Variants in CD44 observed in about 807,000 individuals in gnomAD.
CD44 encodes the protein CD44 molecule (IN blood group), also known as CD44 antigen.
In CD44, 49 loss-of-function variants were observed where a neutral mutation model predicts 88.8. The observed-to-expected ratio is 0.55, with a 90% confidence interval of 0.44 to 0.70. The LOEUF (loss-of-function observed/expected upper bound fraction) is 0.70, where lower values mean the gene tolerates loss of function less well. Ranked by LOEUF, CD44 falls within the 30% of genes least tolerant of loss-of-function variation. CD44 has a pLI of 0.00. For synonymous variants in CD44, 325 were observed against 312.3 expected (o/e 1.04, Z -0.43); for missense variants, 883 against 913.8 (o/e 0.97, Z 0.43).
intron 1 of CD44, among the ~76,000 whole-genome samples, chr11:35,147,356 G>T (rs1195721102): frequency 1.3e-5 from 2 of 152,122 alleles, no homozygotes; most frequent in Non-Finnish European, 2.9e-5. Flanking sequence ...AAGGAATTTG[G>T]CAAAAGCTGG....
rs181566917 is a variant in CD44 at position 35,214,943 on chromosome 11, C to T, written c.1873+29C>T. 27 of 1,425,582 alleles carry T rather than the reference C, an allele frequency of 1.9e-5. No individual in the cohort carries two copies. The East Asian group carries it at 5.5e-4, about 29-fold the overall frequency. The allele number at this position is 1,425,582 out of a possible 1,614,324, so 88.3% of individuals were successfully genotyped here. On this transcript the variant is annotated intron_variant, in intron 15 of 17. Coordinates refer to ENST00000428726, the MANE Select transcript of CD44 (RefSeq NM_000610.4). ...AGTTCAAAACTGCTTTAGTCATTTA[C>T]TGTTATAATCATTGAGCCTAATGAT...
intron 4 of CD44, among the ~76,000 whole-genome samples, chr11:35,188,724 G>A (rs371701174): frequency 6.6e-6 from 1 of 151,942 alleles, no homozygotes; most frequent in African/African-American, 2.4e-5. Flanking sequence ...GATCACCTGA[G>A]GTCAGGAGTT....
At chr11:35,211,108 A>G in intron 13 of CD44, 138 bp from the exon 14 acceptor site, 1 of 666,460 alleles carries the variant, frequency 1.5e-6, no homozygotes, top group Non-Finnish European at 2.7e-6. Context: ...CAATAGTATG[A>G]CAAACTTCAC....
chr11:35,142,445 G>T (rs574687184), intron 1 of CD44, among the ~76,000 whole-genome samples: 2 of 152,272 alleles, frequency 1.3e-5, no homozygotes, highest in East Asian at 3.9e-4. Context: ...ATCTTTGCTT[G>T]GGAATTGCAT....
chr11:35,176,921 T>C, intron 2 of CD44, 181 bp downstream of exon 2: 1 of 581,622 alleles, frequency 1.7e-6, no homozygotes, highest in South Asian at 2.2e-5. Flanking sequence ...TAAAGTCAGC[T>C]AAAGACACCT....
chr11:35,158,371 A>T (rs1942174271), intron 1 of CD44, among the ~76,000 whole-genome samples: 2 of 152,128 alleles, frequency 1.3e-5, no homozygotes, highest in Admixed American at 1.3e-4. Context: ...AATTGCAGAG[A>T]TAGAGTTGGG....
At chr11:35,186,235 A>T (rs1254815450) in intron 3 of CD44, among the ~76,000 whole-genome samples, 1 of 152,174 alleles carries the variant, frequency 6.6e-6, no homozygotes, top group African/African-American at 2.4e-5. Context: ...TTAATGAAAG[A>T]CTAGAGATTC....
rs1355676431 is a variant in CD44, at chr11:35,177,897, CCAG to C, written c.233+1158_233+1160del. Among the ~76,000 whole-genome samples, 5 of 152,330 alleles carry C rather than the reference CCAG, an allele frequency of 3.3e-5. No homozygotes were observed. In the East Asian group the frequency reaches 9.6e-4, roughly 29 times the overall value. ...TAAGTGCTCGGTTAGTCACCGATGG[CCAG>C]TGGCTACTGTACTGGATGACCCAGG... is the stretch of plus-strand genomic sequence containing the variant. On this transcript the variant is annotated intron_variant, in intron 2 of 17. Coordinates refer to ENST00000428726, the MANE Select transcript of CD44 (RefSeq NM_000610.4).
At position 35,206,209 on chromosome 11, in the gene CD44, C is replaced by T; in HGVS notation, c.1380C>T (p.Pro460=). 1 of 1,611,592 alleles carries T rather than the reference C, an allele frequency of 6.2e-7. No homozygotes were observed. Among genetic ancestry groups the T allele is most frequent in the Non-Finnish European group, 8.5e-7 (1 of 1,178,788 alleles). The change falls in exon 11 of 18, where the codon CCC becomes CCT. Residue 460 remains proline (P), a synonymous_variant. Coordinates refer to ENST00000428726, the MANE Select transcript of CD44 (RefSeq NM_000610.4). ...ATTTCTTCAACCCAATCTCACACCC[C>T]ATGGGACGAGGTCATCAAGCAGGAA... ...WTDFFNPISH[P]MGRGHQAGRR...
intron 1 of CD44, among the ~76,000 whole-genome samples, chr11:35,151,535 G>A (rs1860322081): frequency 6.6e-6 from 1 of 152,180 alleles, no homozygotes; most frequent in Non-Finnish European, 1.5e-5. Flanking sequence ...TTGACTCCTA[G>A]AGGCTTCCCA....
chr11:35,176,031 AT>A (rs1377450584), intron 1 of CD44, among the ~76,000 whole-genome samples: 8 of 121,516 alleles, frequency 6.6e-5, no homozygotes, highest in Non-Finnish European at 1.3e-4. Context: ...CACCTGACTA[AT>A]TTTTGTATTT....
At chr11:35,158,561 C>A (rs1389941566) in intron 1 of CD44, among the ~76,000 whole-genome samples, 1 of 152,176 alleles carries the variant, frequency 6.6e-6, no homozygotes, top group African/African-American at 2.4e-5. Flanking sequence ...AGTAAGCATT[C>A]AACAGTCATA....
Position 35,211,321 on chromosome 11 carries a change from C to G in CD44, c.1682C>G (p.Thr561Ser). ...TCAACTACTTTACTGGAAGGTTATA[C>G]CTCTCATTACCCACACACGAAGGAA... The part of the protein sequence containing the change: ...EGSTTLLEGY[T>S]SHYPHTKESR... The change falls in exon 14 of 18, where the codon ACC becomes AGC. Residue 561 changes from threonine to serine, a missense_variant. Around this residue, in one of 2 missense-constraint regions of CD44, gnomAD observed 631 missense variants for 590.9 expected, o/e 1.07. Coordinates refer to ENST00000428726, the MANE Select transcript of CD44 (RefSeq NM_000610.4). 1 of 1,613,910 alleles carries G rather than the reference C, an allele frequency of 6.2e-7. No homozygotes were observed. Among genetic ancestry groups the G allele is most frequent in the Non-Finnish European group, 8.5e-7 (1 of 1,179,850 alleles).
At chr11:35,200,280 A>T (rs560573892) in intron 7 of CD44, among the ~76,000 whole-genome samples, 1 of 152,322 alleles carries the variant, frequency 6.6e-6, no homozygotes, top group East Asian at 1.9e-4. Context: ...ATGTTGACTC[A>T]GATTTTGTCA....
At chr11:35,204,661 T>A in intron 10 of CD44, 21 bp downstream of exon 10, 1 of 1,608,874 alleles carries the variant, frequency 6.2e-7, no homozygotes, top group East Asian at 2.2e-5. Context: ...GTTTAACAAG[T>A]AAATTTGGAT....
intron 1 of CD44, among the ~76,000 whole-genome samples, chr11:35,158,713 C>T (rs1885937): frequency 1.3e-5 from 2 of 152,190 alleles, no homozygotes; most frequent in Non-Finnish European, 2.9e-5. Context: ...AGCCAATAAA[C>T]TCTCATTGAA....
At chr11:35,216,663 A>G (rs1444789021) in intron 15 of CD44, among the ~76,000 whole-genome samples, 1 of 152,162 alleles carries the variant, frequency 6.6e-6, no homozygotes, top group African/African-American at 2.4e-5. Flanking sequence ...TCCTAGAGTT[A>G]TTGTGAGGAA....
chr11:35,184,605 T>G (rs914247180), intron 3 of CD44, among the ~76,000 whole-genome samples: 7 of 152,224 alleles, frequency 4.6e-5, no homozygotes, highest in South Asian at 2.1e-4. Context: ...GGAAAATATT[T>G]TTGAAAACTG....
chr11:35,224,926 C>T (rs550874426), intron 17 of CD44, among the ~76,000 whole-genome samples: 28 of 152,284 alleles, frequency 1.8e-4, no homozygotes, highest in Middle Eastern at 3.4e-3. Flanking sequence ...GTCTTCTCTA[C>T]GCATCGCCAT....
Sources: gnomAD v4.1 joint callset for allele counts (sites outside exome capture counted in the v4.1 genomes callset) on GRCh38, gnomAD v4.1.1 for gene constraint, gnomAD v4.1.1 regional missense constraint, MANE v1.5 for transcripts, NCBI Gene and HGNC (gene_info 2026-07-23, HGNC 2026-07-21) for gene names.